INTS1: variants seen among roughly 807,000 people sequenced by gnomAD.
INTS1 encodes integrator complex subunit 1.
A neutral mutation model predicts 241.6 loss-of-function variants in INTS1; 137 were observed. That is an observed-to-expected ratio of 0.57 (90% CI 0.49 to 0.65). The LOEUF is 0.65. Ranked by LOEUF, INTS1 falls within the 30% of genes least tolerant of loss-of-function variation. The probability of loss-of-function intolerance (pLI) is 0.00; values close to 1 mark genes in which losing one functional copy is unlikely to be tolerated. For synonymous variants in INTS1, 1,692 were observed against 1,337.8 expected (o/e 1.26, Z -5.78); for missense variants, 3,073 against 3,032.2 (o/e 1.01, Z -0.32).
At position 1,495,512 on chromosome 7, in the gene INTS1, T is replaced by C. The variant is rs1782802528; in HGVS notation, c.1753A>G (p.Ile585Val). 1.2e-6 allele frequency: 2 copies of C among 1,612,464 alleles called. No homozygotes were observed. Among genetic ancestry groups the C allele is most frequent in the Admixed American group, 1.7e-5 (1 of 59,924 alleles). Residue 585 changes from isoleucine (I) to valine (V), a missense_variant, in exon 13 of 48, where the codon ATC (isoleucine) becomes GTC (valine). Physicochemically the swap from Ile to Val is conservative, Grantham distance 29. Coordinates refer to ENST00000404767, the MANE Select transcript of INTS1 (RefSeq NM_001080453.3). Reference protein sequence around the residue: ...LRSFQNQIAAIQRDAVWWLHT... With the variant: ...LRSFQNQIAAVQRDAVWWLHT... ...AGCCACCAGACGGCATCCCGCTGGA[T>C]GGCGGCAATCTGGTTCTGGAATGAG...
chr7:1,471,813 A>C (rs1584253592), intron 44 of INTS1, 172 bp from the exon 45 acceptor site: 2 of 627,278 alleles, frequency 3.2e-6, no homozygotes, highest in Non-Finnish European at 2.8e-6. Context: ...CTCCACAAAT[A>C]CCCGGCCCTG....
Position 1,470,829 on chromosome 7 carries a change from G to A in INTS1, c.6457+17C>T, listed in dbSNP as rs555238349. 3.3e-5 allele frequency: 51 copies of A among 1,559,488 alleles called. No homozygotes were observed. The highest frequency in any genetic ancestry group is 1.7e-4 in the Middle Eastern group (1 of 5,964). On this transcript the variant is annotated intron_variant, in intron 47 of 47. Coordinates refer to ENST00000404767, the MANE Select transcript of INTS1 (RefSeq NM_001080453.3). ...CCCGAGGGCTGCCAGGGCCCTGGGCGGGGGGCCAGTCCTCACCTTGGCACA... is the reference window on the plus strand; with the variant it reads ...CCCGAGGGCTGCCAGGGCCCTGGGCAGGGGGCCAGTCCTCACCTTGGCACA...
At chr7:1,501,556 T>C (rs1783183479) in intron 3 of INTS1, among the ~76,000 whole-genome samples, 1 of 152,160 alleles carries the variant, frequency 6.6e-6, no homozygotes, top group African/African-American at 2.4e-5. Context: ...ACGCTTTTCA[T>C]AACCACGTCT....
rs752391419 is a variant in INTS1 at position 1,474,213 on chromosome 7, C to G, written c.5784G>C (p.Gln1928His). The change falls in exon 41 of 48, where the codon CAG (glutamine) becomes CAC (histidine). Residue 1928 changes from glutamine to histidine, a missense_variant. Transcript: ENST00000404767. ...ACAGAAGGCAGTCCCACAGCGCCCC[C>G]TGGTGCTCGCTGCGGAACACGTGCG... is the stretch of plus-strand genomic sequence containing the variant. ...LQPHVFRSEH[Q>H]GALWDCLLSF... The G allele has an allele frequency of 6.3e-7, 1 of 1,594,618 alleles. No individual in the cohort carries two copies. Among genetic ancestry groups the G allele is most frequent in the Non-Finnish European group, 8.5e-7 (1 of 1,172,134 alleles).
chr7:1,487,298 C>T, intron 20 of INTS1, 22 bp downstream of exon 20: 1 of 1,571,690 alleles, frequency 6.4e-7, no homozygotes, highest in Non-Finnish European at 8.6e-7. Context: ...CCATCTCTAC[C>T]TCCTGGAGCC....
chr7:1,503,894 G>C lies in INTS1; in HGVS notation c.58+9C>G, dbSNP rs1002612418. Reference sequence around the variant, plus strand: ...ACCCCCGGGCTGCAGAGCGAGGAGGGAGACGCACCTGAGGGTTTGGCCGCG... The same window carrying C: ...ACCCCCGGGCTGCAGAGCGAGGAGGCAGACGCACCTGAGGGTTTGGCCGCG... On this transcript the variant is annotated intron_variant, in intron 2 of 47. Coordinates refer to ENST00000404767, the MANE Select transcript of INTS1 (RefSeq NM_001080453.3). The C allele has an allele frequency of 6.4e-7, 1 of 1,553,408 alleles. No homozygotes were observed. The highest frequency in any genetic ancestry group is 8.7e-7 in the Non-Finnish European group (1 of 1,150,140).
Position 1,483,750 on chromosome 7 carries a change from G to A in INTS1, c.3533C>T (p.Pro1178Leu), listed in dbSNP as rs760269224. 1.6e-5 allele frequency: 25 copies of A among 1,610,208 alleles called. No individual in the cohort carries two copies. The highest frequency in any genetic ancestry group is 4.0e-5 in the African/African-American group (3 of 74,930). ...GGCCTGTGGCGGCTCACCTCGAGGC[G>A]GGCCCAGCGTCAGCAGGATCACCAT... is the stretch of plus-strand genomic sequence containing the variant. ...HAMVILLTLG[P>L]PRADDSEFQA... The change falls in exon 26 of 48, where the codon CCG becomes CTG. Residue 1178 changes from proline to leucine, a missense_variant. Coordinates refer to ENST00000404767, the MANE Select transcript of INTS1 (RefSeq NM_001080453.3).
In INTS1 at chr7:1,473,647, A is replaced by G. The variant is rs1219409979; in HGVS notation, c.5876T>C (p.Phe1959Ser). The G allele has an allele frequency of 1.9e-6, 3 of 1,613,314 alleles. No individual in the cohort carries two copies. Among genetic ancestry groups the G allele is most frequent in the South Asian group, 1.1e-5 (1 of 91,074 alleles). The part of the protein sequence containing the change: ...SRHLAAFINK[F>S]VQFIHKYITY... ...AATGTACTTATGGATGAACTGCACAAACTTGTTGATGAAGGCAGCCAGATG... is the reference window on the plus strand; with the variant it reads ...AATGTACTTATGGATGAACTGCACAGACTTGTTGATGAAGGCAGCCAGATG... The change falls in exon 42 of 48, where the codon TTT becomes TCT. Residue 1959 changes from phenylalanine to serine, a missense_variant. Phe to Ser is a radical substitution (Grantham distance 155). Transcript: ENST00000404767.
At position 1,493,993 on chromosome 7, in the gene INTS1, C is replaced by T; in HGVS notation, c.1911-82G>A. 6.8e-7 allele frequency: 1 copy of T among 1,462,336 alleles called. No homozygotes were observed. The highest frequency in any genetic ancestry group is 1.4e-5 in the African/African-American group (1 of 70,526). The allele number at this position is 1,462,336 out of a possible 1,614,324, so 90.6% of individuals were successfully genotyped here. A position where few individuals can be genotyped will look rare whatever the true frequency, so the allele number is the denominator to read the frequency against. ...GGGGCCGAGGACAGGCCAGCTTCTC[C>T]CTCAGAGCCCACGGGCTGGTGGCAG... is the stretch of plus-strand genomic sequence containing the variant. On this transcript the variant is annotated intron_variant, in intron 14 of 47. Transcript: ENST00000404767. The surrounding 1 kb of genome is among the most constrained non-coding windows in gnomAD (Gnocchi z 5.3).
chr7:1,476,481 CG>C, intron 37 of INTS1, 26 bp from the exon 38 acceptor site: 1 of 1,286,138 alleles, frequency 7.8e-7, no homozygotes, highest in Non-Finnish European at 1.0e-6. Context: ...GCATCAGCCC[CG>C]GAGCACCACC....
chr7:1,499,531 G>A lies in INTS1; in HGVS notation c.786C>T (p.Pro262=). The A allele has an allele frequency of 6.2e-7, 1 of 1,612,862 alleles. No individual in the cohort carries two copies. Residue 262 remains proline (P), a synonymous_variant, in exon 6 of 48, where the codon CCC becomes CCT. Transcript: ENST00000404767. The part of the protein sequence containing the change: ...NIQTAFNTRM[P]PRSVLLQGEA... ...CCCCCTGCAGCAGCACGCTCCTGGGGGGCATTCTGGTGTTGAAGGCCGTCT... is the reference window on the plus strand; with the variant it reads ...CCCCCTGCAGCAGCACGCTCCTGGGAGGCATTCTGGTGTTGAAGGCCGTCT...
intron 13 of INTS1, 61 bp downstream of exon 13, chr7:1,495,371 GC>G (rs1408803013): frequency 6.4e-7 from 1 of 1,558,584 alleles, no homozygotes; most frequent in Admixed American, 1.8e-5. Context: ...GTTGTGCGGG[GC>G]CCCGGCTTGT....
Position 1,470,480 on chromosome 7 carries a change from G to C in INTS1, c.*97C>G. 7.2e-6 allele frequency: 7 copies of C among 978,284 alleles called. No individual in the cohort carries two copies. In the South Asian group the frequency reaches 1.2e-4, roughly 16 times the overall value. 60.6% of individuals were successfully genotyped at this position (978,284 alleles called of 1,614,324 possible). On this transcript the variant is annotated 3_prime_UTR_variant, in exon 48 of 48. Transcript: ENST00000404767. ...CAGGGCTCGGCGCCCTCACCTCCTC[G>C]GACAGACCAGCAACGCCCACGCTTC... is the stretch of plus-strand genomic sequence containing the variant.
At chr7:1,476,128 G>A (rs1295483599) in intron 38 of INTS1, 57 bp from the exon 39 acceptor site, 2 of 1,527,228 alleles carry the variant, frequency 1.3e-6, no homozygotes, top group African/African-American at 1.4e-5. Context: ...ACAGGGGTGG[G>A]TGGACGGGAC....
In INTS1 at chr7:1,480,857, T is replaced by A; in HGVS notation, c.3927A>T (p.Thr1309=). 1 of 1,553,826 alleles carries A rather than the reference T, an allele frequency of 6.4e-7. No homozygotes were observed. Among genetic ancestry groups the A allele is most frequent in the Non-Finnish European group, 8.7e-7 (1 of 1,149,624 alleles). Residue 1309 remains threonine, a synonymous_variant, in exon 29 of 48, where the codon ACA becomes ACT. Transcript: ENST00000404767. ...TACCTCGGCGGGGCGGCAGGGAGGC[T>A]GTGAGCAAGGAGTGGAAAGTCTGGC... The part of the protein sequence containing the change: ...SGGQTFHSLL[T]ASLPPRRDST...
intron 43 of INTS1, among the ~76,000 whole-genome samples, chr7:1,472,763 G>A (rs1356406032): frequency 1.3e-5 from 2 of 148,354 alleles, no homozygotes; most frequent in Non-Finnish European, 1.5e-5. Flanking sequence ...ACCAGGGGAG[G>A]CTTCCTGGGG....
chr7:1,504,364 C>T lies in INTS1; in HGVS notation c.-83G>A. 1 of 493,760 alleles carries T rather than the reference C, an allele frequency of 2.0e-6. No homozygotes were observed. The highest frequency in any genetic ancestry group is 3.9e-6 in the Non-Finnish European group (1 of 253,178). 30.6% of individuals were successfully genotyped at this position (493,760 alleles called of 1,614,324 possible). On this transcript the variant is annotated 5_prime_UTR_variant, in exon 1 of 48. Transcript: ENST00000404767. Reference sequence around the variant, plus strand: ...CCGGAGCGCCGCCGCCGCCACCCGGCCACCCCGGAATCGGAAACCGATCTC... The same window carrying T: ...CCGGAGCGCCGCCGCCGCCACCCGGTCACCCCGGAATCGGAAACCGATCTC...
Position 1,493,151 on chromosome 7 carries a change from C to T in INTS1, c.2069-45G>A, listed in dbSNP as rs532297779. On this transcript the variant is annotated intron_variant, in intron 15 of 47. Coordinates refer to ENST00000404767, the MANE Select transcript of INTS1 (RefSeq NM_001080453.3). The surrounding 1 kb of genome is among the most constrained non-coding windows in gnomAD (Gnocchi z 5.3). ...ATGGGTTCTGGGGCTGCTCACAGAC[C>T]ATCAGGCACAGGCAGCGAGGGAACC... 2.0e-6 allele frequency: 3 copies of T among 1,475,752 alleles called. No individual in the cohort carries two copies. The highest frequency in any genetic ancestry group is 2.8e-6 in the Non-Finnish European group (3 of 1,072,108). 91.4% of individuals were successfully genotyped at this position (1,475,752 alleles called of 1,614,324 possible). A position where few individuals can be genotyped will look rare whatever the true frequency, so the allele number is the denominator to read the frequency against.
At chr7:1,480,253 C>T in intron 30 of INTS1, 64 bp downstream of exon 30, 2 of 1,525,748 alleles carry the variant, frequency 1.3e-6, no homozygotes, top group East Asian at 4.7e-5. Flanking sequence ...TGCGAGGCGG[C>T]AGCGAAGGCT....
Sources: allele counts gnomAD v4.1 joint callset (sites outside exome capture counted in the v4.1 genomes callset), GRCh38; gene constraint gnomAD v4.1.1; non-coding constraint Gnocchi (gnomAD v3.1); transcripts MANE v1.5; gene names NCBI Gene and HGNC (gene_info 2026-07-23, HGNC 2026-07-21).